Variants in OR52A5 observed in about 807,000 individuals in gnomAD.
OR52A5 encodes the protein olfactory receptor 52A5.
Under a neutral mutation model 18.2 loss-of-function variants are expected in OR52A5, and 16 were observed. The ratio of observed to expected loss-of-function variants is 0.88; its 90% CI spans 0.60 to 1.34. The LOEUF is 1.34. Among genes scored for constraint, OR52A5 ranks in the 40% most tolerant of loss-of-function variants. The pLI, the probability that OR52A5 is intolerant of heterozygous loss-of-function variation, is 0.00. For synonymous variants in OR52A5, 140 were observed against 137.2 expected, an observed-to-expected ratio of 1.02 and a Z score of -0.14; for missense variants, 418 against 383.0, an observed-to-expected ratio of 1.09 and a Z score of -0.76.
Position 5,129,188 on chromosome 11 carries a change from C to A in OR52A5, c.*2504G>T, listed in dbSNP as rs1846312584. ...TTAATCCTGAAATCATTTTTCTCTG[C>A]ATCTTAATTCTCAGAGTATGTACAC... On this transcript the variant is annotated 3_prime_UTR_variant, in exon 2 of 2. Transcript: ENST00000307388. 6.6e-6 allele frequency: 1 copy of A among 152,082 alleles called. No individual in the cohort carries two copies. Among genetic ancestry groups the A allele is most frequent in the Non-Finnish European group, 1.5e-5 (1 of 68,010 alleles). The allele number at this position is 152,082 out of a possible 1,614,324, so 9.4% of individuals were successfully genotyped here. A position where few individuals can be genotyped will look rare whatever the true frequency, so the allele number is the denominator to read the frequency against.
Position 5,131,540 on chromosome 11 carries a change from T to C in OR52A5, c.*152A>G. On this transcript the variant is annotated 3_prime_UTR_variant, in exon 2 of 2. Transcript: ENST00000307388. Reference sequence around the variant, plus strand: ...ATAAATGATTCCAAATTTATCAAAATATAGATTCAAAGCAAATACTAAAAA... The same window carrying C: ...ATAAATGATTCCAAATTTATCAAAACATAGATTCAAAGCAAATACTAAAAA... The C allele has an allele frequency of 2.0e-6, 1 of 506,964 alleles. No homozygotes were observed. The highest frequency in any genetic ancestry group is 3.5e-6 in the Non-Finnish European group (1 of 285,170). The allele number at this position is 506,964 out of a possible 1,614,324, so 31.4% of individuals were successfully genotyped here. A position where few individuals can be genotyped will look rare whatever the true frequency, so the allele number is the denominator to read the frequency against.
Position 5,131,911 on chromosome 11 carries a change from G to A in OR52A5, c.732C>T (p.Cys244=), listed in dbSNP as rs761374817. 2.9e-5 allele frequency: 47 copies of A among 1,614,042 alleles called. No individual in the cohort carries two copies. The Admixed American group carries it at 7.7e-4, about 26-fold the overall frequency. The change falls in exon 2 of 2, where the codon TGC becomes TGT. Residue 244 remains cysteine (C), a synonymous_variant. Transcript: ENST00000307388. The stretch of plus-strand genomic sequence containing the variant: ...GTAGGAAGACACAAATGTGGGCAAT[G>A]CATGTATTAAAGGCCTTGAATCGTG... ...KEARFKAFNT[C]IAHICVFLQF...
In OR52A5 at chr11:5,137,536, T is replaced by C. The variant is rs576421116; in HGVS notation, c.-61+775A>G. Among the ~76,000 whole-genome samples the C allele has an allele frequency of 5.3e-5, 8 of 151,740 alleles. No individual in the cohort carries two copies. The East Asian group carries it at 1.2e-3, about 22-fold the overall frequency. On this transcript the variant is annotated intron_variant, in intron 1 of 1. Transcript: ENST00000307388. ...TCTCTCTTTTTTTTTTTTTCGGAGA[T>C]AGTGTGCCACATCGCAGGACAGCTT...
intron 1 of OR52A5, 37 bp from the exon 2 acceptor site, chr11:5,132,739 T>A (rs1846354331): frequency 1.4e-6 from 1 of 727,396 alleles, no homozygotes; most frequent in Non-Finnish European, 2.2e-6. Context: ...GTTAATTTAT[T>A]TTAGGAAAAT....
In OR52A5 at chr11:5,131,469, T is replaced by C. The variant is rs1846336419; in HGVS notation, c.*223A>G. ...GATATCGGTATTACTGATTTCATAT[T>C]ATTTTTATATTGATAAGTATTTCAG... is the stretch of plus-strand genomic sequence containing the variant. On this transcript the variant is annotated 3_prime_UTR_variant, in exon 2 of 2. Transcript: ENST00000307388. 22 of 314,636 alleles carry C rather than the reference T, an allele frequency of 7.0e-5. No individual in the cohort carries two copies. Among genetic ancestry groups the C allele is most frequent in the South Asian group, 4.1e-4 (7 of 17,098 alleles). 19.5% of individuals were successfully genotyped at this position (314,636 alleles called of 1,614,324 possible). A position where few individuals can be genotyped will look rare whatever the true frequency, so the allele number is the denominator to read the frequency against.
At position 5,132,406 on chromosome 11, in the gene OR52A5, A is replaced by C. The variant is rs1289020915; in HGVS notation, c.237T>G (p.Ile79Met). The change falls in exon 2 of 2, where the codon ATT becomes ATG. Residue 79 changes from isoleucine (I) to methionine (M), a missense_variant. By Grantham distance (10) the Ile-to-Met change is conservative. Coordinates refer to ENST00000307388, the MANE Select transcript of OR52A5 (RefSeq NM_001005160.3). Reference protein sequence around the residue: ...AATDIALNTCILPKMLGIFWF... With the variant: ...AATDIALNTCMLPKMLGIFWF... ...AGAAGATGCCTAACATTTTGGGAAG[A>C]ATGCAGGTGTTAAGTGCAATGTCTG... The C allele has an allele frequency of 1.9e-6, 3 of 1,614,210 alleles. No individual in the cohort carries two copies. Among genetic ancestry groups the C allele is most frequent in the East Asian group, 4.5e-5 (2 of 44,888 alleles).
In OR52A5 at chr11:5,132,265, C is replaced by G. The variant is rs1177721143; in HGVS notation, c.378G>C (p.Val126=). ...ILLAMALDRY[V]AICIPLRHAT... ...CATGTCTCAAGGGGATACAGATGGCCACATAGCGATCCAGGGCCATTGCCA... is the reference window on the plus strand; with the variant it reads ...CATGTCTCAAGGGGATACAGATGGCGACATAGCGATCCAGGGCCATTGCCA... The change falls in exon 2 of 2, where the codon GTG becomes GTC. Residue 126 remains valine, a synonymous_variant. Transcript: ENST00000307388. The G allele has an allele frequency of 1.2e-6, 2 of 1,614,152 alleles. No individual in the cohort carries two copies. The highest frequency in any genetic ancestry group is 8.5e-7 in the Non-Finnish European group (1 of 1,180,030).
rs1451070846 is a variant in OR52A5, at chr11:5,132,639, G to A, written c.4C>T (p.Pro2Ser). The change falls in exon 2 of 2, where the codon CCG becomes TCG. Residue 2 changes from proline to serine, a missense_variant. By Grantham distance (74) the Pro-to-Ser change is moderately conservative. Transcript: ENST00000307388. Reference sequence around the variant, plus strand: ...ATGAAGACTGAGCCATTGAATGTCGGCATGATTTGTTCATCAGAATCAAGT... The same window carrying A: ...ATGAAGACTGAGCCATTGAATGTCGACATGATTTGTTCATCAGAATCAAGT... Reference protein sequence around the residue: MPTFNGSVFMPS... With the variant: MSTFNGSVFMPS... The A allele has an allele frequency of 1.8e-5, 29 of 1,579,854 alleles. No homozygotes were observed. The highest frequency in any genetic ancestry group is 2.4e-5 in the Non-Finnish European group (28 of 1,160,782).
At chr11:5,134,447 A>C (rs1039149297) in intron 1 of OR52A5, among the ~76,000 whole-genome samples, 2 of 152,130 alleles carry the variant, frequency 1.3e-5, no homozygotes, top group East Asian at 1.9e-4. Context: ...TCTTTCCATA[A>C]AACTTATCCA....
chr11:5,133,356 A>T (rs546978837), intron 1 of OR52A5, among the ~76,000 whole-genome samples: 4 of 117,398 alleles, frequency 3.4e-5, no homozygotes, highest in Non-Finnish European at 6.8e-5. Context: ...CGACAGAGCG[A>T]GACTGTCAAA....
intron 1 of OR52A5, among the ~76,000 whole-genome samples, chr11:5,137,671 A>T (rs1409494979): frequency 6.6e-6 from 1 of 152,204 alleles, no homozygotes; most frequent in Non-Finnish European, 1.5e-5. Flanking sequence ...CATAGATAAT[A>T]GCAGTGAATT....
intron 1 of OR52A5, among the ~76,000 whole-genome samples, chr11:5,133,082 TCCACAGG>T (rs559643031): frequency 1.1e-3 from 162 of 152,172 alleles, no homozygotes; most frequent in African/African-American, 3.7e-3. Flanking sequence ...AAAGAAAGGA[TCCACAGG>T]CCGGGCACAG....
Position 5,132,547 on chromosome 11 carries a change from A to G in OR52A5, c.96T>C (p.Pro32=). The G allele has an allele frequency of 1.1e-5, 18 of 1,614,008 alleles. No individual in the cohort carries two copies. Among genetic ancestry groups the G allele is most frequent in the Non-Finnish European group, 1.4e-5 (16 of 1,179,870 alleles). ...CACCAATAAGATACATGGCAGAGAA[A>G]GGAATCCCAATCCAACACTGCACTG... is the stretch of plus-strand genomic sequence containing the variant. The part of the protein sequence containing the change: ...LESVQCWIGI[P]FSAMYLIGVI... The change falls in exon 2 of 2, where the codon CCT becomes CCC. Residue 32 remains proline (P), a synonymous_variant. Coordinates refer to ENST00000307388, the MANE Select transcript of OR52A5 (RefSeq NM_001005160.3).
intron 1 of OR52A5, among the ~76,000 whole-genome samples, chr11:5,133,970 C>T (rs1259197127): frequency 1.3e-5 from 2 of 152,064 alleles, no homozygotes; most frequent in African/African-American, 2.4e-5. Flanking sequence ...AGGACTGTTT[C>T]GATACTCTTT....
At chr11:5,133,237 A>G (rs550421519) in intron 1 of OR52A5, among the ~76,000 whole-genome samples, 253 of 151,894 alleles carry the variant, frequency 1.7e-3, no homozygotes, top group Non-Finnish European at 3.2e-3. Context: ...GTGTGGTGGC[A>G]GGCGCCTGTA....
intron 1 of OR52A5, among the ~76,000 whole-genome samples, chr11:5,135,227 A>G (rs1846380781): frequency 6.6e-6 from 1 of 152,194 alleles, no homozygotes; most frequent in South Asian, 2.1e-4. Flanking sequence ...TATGTATCAG[A>G]GGGTAATTAC....
intron 1 of OR52A5, among the ~76,000 whole-genome samples, chr11:5,137,487 C>A (rs996672972): frequency 2.3e-4 from 35 of 152,140 alleles, no homozygotes; most frequent in Non-Finnish European, 1.5e-4. Context: ...TGAAACCTTC[C>A]CATGACAGAA....
intron 1 of OR52A5, among the ~76,000 whole-genome samples, chr11:5,132,903 G>C (rs1282374601): frequency 6.6e-6 from 1 of 152,002 alleles, no homozygotes; most frequent in Non-Finnish European, 1.5e-5. Flanking sequence ...AAATTAAATG[G>C]ATTAGACGGC....
chr11:5,130,085 A>C lies in OR52A5; in HGVS notation c.*1607T>G, dbSNP rs1846321592. ...TCCCTCATACTCCAGAGAATGAAAA[A>C]AAAATATGTCTTTTAGGATATGTAA... is the stretch of plus-strand genomic sequence containing the variant. On this transcript the variant is annotated 3_prime_UTR_variant, in exon 2 of 2. Coordinates refer to ENST00000307388, the MANE Select transcript of OR52A5 (RefSeq NM_001005160.3). The C allele has an allele frequency of 6.6e-6, 1 of 152,128 alleles. No homozygotes were observed. The highest frequency in any genetic ancestry group is 2.1e-4 in the South Asian group (1 of 4,824). The allele number at this position is 152,128 out of a possible 1,614,324, so 9.4% of individuals were successfully genotyped here.
Sources: gnomAD v4.1 joint callset for allele counts (sites outside exome capture counted in the v4.1 genomes callset) on GRCh38, gnomAD v4.1.1 for gene constraint, MANE v1.5 for transcripts, NCBI Gene and HGNC (gene_info 2026-07-23, HGNC 2026-07-21) for gene names.